Variants in DLEC1 observed in about 807,000 individuals in gnomAD.
DLEC1 encodes the protein deleted in lung and esophageal cancer protein 1.
Under a neutral mutation model 198.1 loss-of-function variants are expected in DLEC1, and 146 were observed. The observed-to-expected ratio is 0.74, with a 90% CI of 0.64 to 0.85. DLEC1 has a LOEUF of 0.85. DLEC1 is among the 40% of genes least tolerant of loss of function. DLEC1 has a pLI of 0.00. For synonymous variants in DLEC1, 897 were observed against 866.8 expected, an observed-to-expected ratio of 1.03 and a Z score of -0.61; for missense variants, 2,233 against 2,220.0, an observed-to-expected ratio of 1.01 and a Z score of -0.12.
chr3:38,068,964 C>T (rs779647423), intron 6 of DLEC1, among the ~76,000 whole-genome samples: 1 of 152,078 alleles, frequency 6.6e-6, no homozygotes, highest in Non-Finnish European at 1.5e-5. Flanking sequence ...AAGGGCGTGT[C>T]ATATGGTGAG....
intron 25 of DLEC1, 51 bp from the exon 26 acceptor site, chr3:38,114,291 T>C: frequency 6.3e-7 from 1 of 1,582,048 alleles, no homozygotes; most frequent in South Asian, 1.1e-5. Context: ...CCAGAGGGGA[T>C]GTGGTCGCAA....
chr3:38,088,403 A>G lies in DLEC1; in HGVS notation c.1665+15A>G, dbSNP rs746486807. 3 of 1,602,998 alleles carry G rather than the reference A, an allele frequency of 1.9e-6. No homozygotes were observed. In the Admixed American group the frequency reaches 5.0e-5, roughly 27 times the overall value. ...TATTAGTGGAGGTAGGTAATCAGAC[A>G]TTGGCATGTATTTCCTCAACTGCTT... On this transcript the variant is annotated intron_variant, in intron 10 of 36. Transcript: ENST00000308059.
intron 21 of DLEC1, among the ~76,000 whole-genome samples, chr3:38,108,735 G>A (rs1439015967): frequency 6.6e-6 from 1 of 152,220 alleles, no homozygotes; most frequent in African/African-American, 2.4e-5. Context: ...TGTGCCCTGA[G>A]ACCCACTGGC....
intron 19 of DLEC1, among the ~76,000 whole-genome samples, chr3:38,102,056 A>G: frequency 6.6e-6 from 1 of 152,012 alleles, no homozygotes; most frequent in East Asian, 1.9e-4. Context: ...AGGGCCCAAC[A>G]CTTTTCCCTT....
chr3:38,092,877 A>G lies in DLEC1; in HGVS notation c.1753A>G (p.Ile585Val). The change falls in exon 11 of 37, where the codon ATA (isoleucine) becomes GTA (valine). Residue 585 changes from isoleucine (I) to valine (V), a missense_variant. Ile to Val is a conservative substitution (Grantham distance 29). Coordinates refer to ENST00000308059, the MANE Select transcript of DLEC1 (RefSeq NM_007335.4). ...CTGCCAGATAAAGGAGCTGGTGACC[A>G]TAGGTGGGCTTGAGTGTACTCCCAG... ...DNCQIKELVTIGIGQLIALDL... is the reference protein window; with the variant it reads ...DNCQIKELVTVGIGQLIALDL... The G allele has an allele frequency of 1.2e-6, 2 of 1,614,194 alleles. No individual in the cohort carries two copies. Among genetic ancestry groups the G allele is most frequent in the Non-Finnish European group, 1.7e-6 (2 of 1,180,028 alleles).
intron 3 of DLEC1, among the ~76,000 whole-genome samples, chr3:38,061,120 G>A (rs1305712128): frequency 6.6e-6 from 1 of 152,196 alleles, no homozygotes; most frequent in Non-Finnish European, 1.5e-5. Context: ...TTGCATTCTT[G>A]CTAGCAATGA....
Position 38,070,546 on chromosome 3 carries a change from A to G in DLEC1, c.1173+6627A>G, listed in dbSNP as rs1205925863. 3.3e-5 allele frequency among the ~76,000 whole-genome samples: 5 copies of G among 152,222 alleles called. No individual in the cohort carries two copies. The East Asian group carries it at 9.6e-4, about 29-fold the overall frequency. On this transcript the variant is annotated intron_variant, in intron 6 of 36. Transcript: ENST00000308059. ...GCTAAACAAGCTTTGTGTGAGCAAT[A>G]AAAGCTTTTAATCACCTGGGTGCAG...
In DLEC1 at chr3:38,078,695, T is replaced by C. The variant is rs556022892; in HGVS notation, c.1174-5463T>C. ...TGAGCCTAATGGGTGTCAGGGTCAGTCTAAGTGAAAGCAAAGAGAGGCTGG... is the reference window on the plus strand; with the variant it reads ...TGAGCCTAATGGGTGTCAGGGTCAGCCTAAGTGAAAGCAAAGAGAGGCTGG... On this transcript the variant is annotated intron_variant, in intron 6 of 36. Transcript: ENST00000308059. Among the ~76,000 whole-genome samples, 6 of 152,120 alleles carry C rather than the reference T, an allele frequency of 3.9e-5. No homozygotes were observed. The South Asian group carries it at 1.3e-3, about 32-fold the overall frequency.
chr3:38,104,179 A>G (rs1258011933), intron 19 of DLEC1, among the ~76,000 whole-genome samples: 3 of 152,332 alleles, frequency 2.0e-5, no homozygotes, highest in South Asian at 2.1e-4. Context: ...TTTCTTGGCC[A>G]GGCACAGTGG....
chr3:38,122,350 A>G lies in DLEC1; in HGVS notation c.5206A>G (p.Thr1736Ala), dbSNP rs1559471590. 6.2e-7 allele frequency: 1 copy of G among 1,613,866 alleles called. No homozygotes were observed. Among genetic ancestry groups the G allele is most frequent in the Admixed American group, 1.7e-5 (1 of 59,994 alleles). Residue 1736 changes from threonine to alanine, a missense_variant, in exon 37 of 37, where the codon ACC (threonine) becomes GCC (alanine). Transcript: ENST00000308059. ...VEGVLGEKSCTLRLRGQGSYD... is the reference protein window; with the variant it reads ...VEGVLGEKSCALRLRGQGSYD... ...AGGTGTGCTCGGTGAGAAGTCCTGC[A>G]CCCTGCGGCTCCGGGGCCAAGGCTC...
chr3:38,043,356 T>C (rs951850682), intron 1 of DLEC1, among the ~76,000 whole-genome samples: 9 of 152,226 alleles, frequency 5.9e-5, no homozygotes, highest in South Asian at 2.1e-4. Flanking sequence ...TAGTTGGTCT[T>C]GTTATTTGGA....
intron 12 of DLEC1, 104 bp from the exon 13 acceptor site, chr3:38,094,775 A>G (rs1370700612): frequency 4.4e-6 from 6 of 1,350,090 alleles, no homozygotes; most frequent in Non-Finnish European, 6.1e-6. Context: ...TCCTGTTCCT[A>G]GGTCCTTTCC....
rs1170467980 is a variant in DLEC1, at chr3:38,117,983, G to T, written c.4663G>T (p.Ala1555Ser). Residue 1555 changes from alanine to serine, a missense_variant, in exon 33 of 37, where the codon GCG (alanine) becomes TCG (serine). Coordinates refer to ENST00000308059, the MANE Select transcript of DLEC1 (RefSeq NM_007335.4). ...GGAGTGTGAGGAGGAGACAGCCTCA[G>T]CGGACAAGCAGCTGGTGCTCCAAGC... Reference protein sequence around the residue: ...KQECEEETASADKQLVLQAQE... With the variant: ...KQECEEETASSDKQLVLQAQE... 1 of 1,613,136 alleles carries T rather than the reference G, an allele frequency of 6.2e-7. No individual in the cohort carries two copies. Among genetic ancestry groups the T allele is most frequent in the East Asian group, 2.2e-5 (1 of 44,848 alleles).
intron 6 of DLEC1, among the ~76,000 whole-genome samples, chr3:38,080,104 A>T (rs1039886948): frequency 6.6e-6 from 1 of 152,228 alleles, no homozygotes; most frequent in Non-Finnish European, 1.5e-5. Context: ...AAAAGCCTAA[A>T]TGCTGTCTGA....
At chr3:38,077,770 A>T (rs889205956) in intron 6 of DLEC1, among the ~76,000 whole-genome samples, 5 of 152,338 alleles carry the variant, frequency 3.3e-5, no homozygotes, top group Admixed American at 2.0e-4. Flanking sequence ...GACTCAGGGC[A>T]TGTTGAGTAA....
rs1697059599 is a variant in DLEC1 at position 38,066,930 on chromosome 3, A to G, written c.1173+3011A>G. On this transcript the variant is annotated intron_variant, in intron 6 of 36. Transcript: ENST00000308059. ...GCCATCACGTTTTAAGGACAGTTGT[A>G]GAAGCTGGCAAACACCCAGAGGAAA... Among the ~76,000 whole-genome samples the G allele has an allele frequency of 2.6e-5, 4 of 152,352 alleles. No individual in the cohort carries two copies. In the South Asian group the frequency reaches 8.3e-4, roughly 32 times the overall value.
intron 2 of DLEC1, among the ~76,000 whole-genome samples, chr3:38,049,126 T>G (rs1055623052): frequency 9.9e-5 from 15 of 152,100 alleles, no homozygotes; most frequent in African/African-American, 2.7e-4. Flanking sequence ...GAGACAAATG[T>G]CAGTTTGGAG....
In DLEC1 at chr3:38,122,162, C is replaced by T. The variant is rs1700508984; in HGVS notation, c.5112C>T (p.Thr1704=). The T allele has an allele frequency of 1.2e-6, 2 of 1,614,060 alleles. No homozygotes were observed. The highest frequency in any genetic ancestry group is 1.1e-5 in the South Asian group (1 of 91,094). ...LEARSANAPP[T]SIALQVFFTA... The stretch of plus-strand genomic sequence containing the variant: ...CACGATCCGCCAATGCACCCCCAAC[C>T]TCCATCGCCTTGCAGGTTTTCTTCA... The change falls in exon 36 of 37, where the codon ACC becomes ACT. Residue 1704 remains threonine (T), a synonymous_variant. Coordinates refer to ENST00000308059, the MANE Select transcript of DLEC1 (RefSeq NM_007335.4).
chr3:38,064,985 G>A lies in DLEC1; in HGVS notation c.1173+1066G>A, dbSNP rs542051612. On this transcript the variant is annotated intron_variant, in intron 6 of 36. Coordinates refer to ENST00000308059, the MANE Select transcript of DLEC1 (RefSeq NM_007335.4). ...CTCAGCACTTTGGGAGGCCAAGGCAGGCGGCTGGGAGGTGGAGGTTGTAGC... is the reference window on the plus strand; with the variant it reads ...CTCAGCACTTTGGGAGGCCAAGGCAAGCGGCTGGGAGGTGGAGGTTGTAGC... 5.3e-3 allele frequency among the ~76,000 whole-genome samples: 804 copies of A among 152,332 alleles called. 10 individuals are homozygous for A. Among genetic ancestry groups the A allele is most frequent in the African/African-American group, 0.017 (724 of 41,574 alleles).
Sources: gnomAD v4.1 joint callset for allele counts (sites outside exome capture counted in the v4.1 genomes callset) on GRCh38, gnomAD v4.1.1 for gene constraint, MANE v1.5 for transcripts, NCBI Gene and HGNC (gene_info 2026-07-23, HGNC 2026-07-21) for gene names.